The following SH2D3C variants were observed in gnomAD, a reference collection of about 807,000 sequenced individuals.
SH2D3C encodes SH2 domain-containing protein 3C.
A neutral mutation model predicts 75.2 loss-of-function variants in SH2D3C; 25 were observed. The ratio of observed to expected loss-of-function variants is 0.33; its 90% CI spans 0.24 to 0.46. SH2D3C has a LOEUF of 0.46. SH2D3C is among the 20% of genes least tolerant of loss of function. The probability of loss-of-function intolerance (pLI) is 1.00; values close to 1 mark genes in which losing one functional copy is unlikely to be tolerated. For synonymous variants in SH2D3C, 450 were observed against 473.7 expected, an observed-to-expected ratio of 0.95 and a Z score of 0.65; for missense variants, 933 against 1,165.3, an observed-to-expected ratio of 0.80 and a Z score of 2.90.
intron 3 of SH2D3C, among the ~76,000 whole-genome samples, chr9:127,755,474 G>A (rs1845354982): frequency 1.3e-5 from 2 of 152,220 alleles, no homozygotes; most frequent in African/African-American, 4.8e-5. Flanking sequence ...GCCAAGGAGG[G>A]TATTACCGGG....
At chr9:127,755,165 G>C (rs1845339811) in intron 3 of SH2D3C, 3 of 1,216,852 alleles carry the variant, frequency 2.5e-6, no homozygotes, top group African/African-American at 1.6e-5. Flanking sequence ...GTCATGGTGG[G>C]GCCAGGCTGC....
intron 2 of SH2D3C, among the ~76,000 whole-genome samples, chr9:127,772,785 C>G (rs763359625): frequency 9.2e-5 from 14 of 151,928 alleles, no homozygotes; most frequent in Non-Finnish European, 1.9e-4. Context: ...TTCTGTGTAA[C>G]CTTGGCTGAG....
In SH2D3C at chr9:127,739,925, G is replaced by C. The variant is rs1472497291; in HGVS notation, c.2201-37C>G. ...AAGGCAGCAGGCGCTTAAAGATCCT[G>C]TAGTGCCCCACCATCCACTGCAGTC... On this transcript the variant is annotated intron_variant, in intron 10 of 11. Transcript: ENST00000314830. The surrounding 1 kb of genome is among the most constrained non-coding windows in gnomAD (Gnocchi z 4.3). The C allele has an allele frequency of 6.8e-7, 1 of 1,479,118 alleles. No individual in the cohort carries two copies. Among genetic ancestry groups the C allele is most frequent in the South Asian group, 1.3e-5 (1 of 74,172 alleles). The allele number at this position is 1,479,118 out of a possible 1,614,324, so 91.6% of individuals were successfully genotyped here. A position where few individuals can be genotyped will look rare whatever the true frequency, so the allele number is the denominator to read the frequency against.
At chr9:127,753,097 G>A (rs1250876828) in intron 3 of SH2D3C, among the ~76,000 whole-genome samples, 5 of 152,136 alleles carry the variant, frequency 3.3e-5, no homozygotes, top group African/African-American at 1.2e-4. Flanking sequence ...GTGGGGGCAG[G>A]GGCAGGTGTG....
At chr9:127,752,835 T>A (rs1309128861) in intron 3 of SH2D3C, among the ~76,000 whole-genome samples, 3 of 152,234 alleles carry the variant, frequency 2.0e-5, no homozygotes, top group Admixed American at 2.0e-4. Flanking sequence ...GTTTCCTGAA[T>A]GTCCCGAGAT....
chr9:127,744,540 C>T (rs1449956078), intron 7 of SH2D3C, 24 bp downstream of exon 7: 1 of 1,584,998 alleles, frequency 6.3e-7, no homozygotes, highest in Admixed American at 1.7e-5. Flanking sequence ...GCTCCCTCCA[C>T]CCCAGTGCAC....
chr9:127,747,539 G>GT (rs113520829), intron 5 of SH2D3C, among the ~76,000 whole-genome samples: 1,928 of 147,294 alleles, frequency 0.013, 53 homozygotes, highest in African/African-American at 0.044. Flanking sequence ...TTTCTTTTTT[G>GT]TTTTTTTTTT....
chr9:127,771,434 G>T (rs1403404000), intron 2 of SH2D3C: 11 of 1,230,450 alleles, frequency 8.9e-6, no homozygotes, highest in East Asian at 6.3e-5. Flanking sequence ...GACGCTCTCC[G>T]CCTCGAACAC....
intron 4 of SH2D3C, among the ~76,000 whole-genome samples, chr9:127,750,782 T>C (rs1371577013): frequency 1.3e-5 from 2 of 152,162 alleles, no homozygotes; most frequent in Admixed American, 6.5e-5. Flanking sequence ...AAACTCAACT[T>C]TGCCAAAACT....
At chr9:127,767,625 T>C (rs917195059) in intron 2 of SH2D3C, among the ~76,000 whole-genome samples, 1 of 151,446 alleles carries the variant, frequency 6.6e-6, no homozygotes, top group Non-Finnish European at 1.5e-5. Context: ...GGCTGGGAGG[T>C]AGGAAGTGGT....
At chr9:127,763,864 C>T (rs772082102) in intron 2 of SH2D3C, among the ~76,000 whole-genome samples, 1 of 152,144 alleles carries the variant, frequency 6.6e-6, no homozygotes, top group Non-Finnish European at 1.5e-5. Context: ...CCTAGAAAGC[C>T]CTAGCTGGTA....
chr9:127,757,645 G>GATTATTATTATTATTATTATT (rs71380087), intron 3 of SH2D3C, among the ~76,000 whole-genome samples: 1 of 121,514 alleles, frequency 8.2e-6, no homozygotes, highest in African/African-American at 3.1e-5. Flanking sequence ...TGATGATGAT[G>GATTATTATTATTATTATTATT]ATTATTATTA....
rs1389576272 is a variant in SH2D3C at position 127,753,467 on chromosome 9, G to A, written c.556-2167C>T. ...GCTCTGGGGACAGATGGTGGGAGTGGGCGGTTTGCACAGGTGCTCAGGAGA... is the reference window on the plus strand; with the variant it reads ...GCTCTGGGGACAGATGGTGGGAGTGAGCGGTTTGCACAGGTGCTCAGGAGA... On this transcript the variant is annotated intron_variant, in intron 3 of 11. Transcript: ENST00000314830. Among the ~76,000 whole-genome samples, 4 of 152,174 alleles carry A rather than the reference G, an allele frequency of 2.6e-5. No individual in the cohort carries two copies. In the South Asian group the frequency reaches 8.3e-4, roughly 31 times the overall value.
intron 1 of SH2D3C, among the ~76,000 whole-genome samples, chr9:127,777,947 G>A (rs1296533693): frequency 8.0e-5 from 12 of 149,100 alleles, no homozygotes; most frequent in East Asian, 3.9e-4. Flanking sequence ...AACCCACCCC[G>A]GTCTCTAAAA....
intron 3 of SH2D3C, among the ~76,000 whole-genome samples, chr9:127,752,154 C>T (rs553632308): frequency 2.8e-4 from 42 of 152,230 alleles, no homozygotes; most frequent in Non-Finnish European, 4.6e-4. Context: ...GCTGATGGAT[C>T]CCAGGGGCCC....
At chr9:127,753,419 T>C (rs967814948) in intron 3 of SH2D3C, among the ~76,000 whole-genome samples, 15 of 151,982 alleles carry the variant, frequency 9.9e-5, no homozygotes, top group African/African-American at 3.4e-4. Context: ...CCATGAAAAT[T>C]TGGACCTTGA....
At chr9:127,755,313 G>A (rs189552562) in intron 3 of SH2D3C, 22,543 of 951,914 alleles carry the variant, frequency 0.024, 970 homozygotes, top group East Asian at 0.085. Context: ...GGGAGGCGGG[G>A]CGGGGAGACC....
Position 127,739,051 on chromosome 9 carries a change from A to G in SH2D3C, c.2408-130T>C, listed in dbSNP as rs1268906824. ...GGGATCCAACAAGGTTTGTGAATCA[A>G]CACGACCCTGTAGTTTAGCATCTTT... is the stretch of plus-strand genomic sequence containing the variant. On this transcript the variant is annotated intron_variant, in intron 11 of 11. Coordinates refer to ENST00000314830, the MANE Select transcript of SH2D3C (RefSeq NM_170600.3). This position sits in a 1 kb window ranked among gnomAD's most constrained non-coding sequence, Gnocchi z 4.3. The G allele has an allele frequency of 2.0e-5, 14 of 703,630 alleles. No individual in the cohort carries two copies. Among genetic ancestry groups the G allele is most frequent in the Non-Finnish European group, 2.6e-5 (12 of 457,838 alleles). 43.6% of individuals were successfully genotyped at this position (703,630 alleles called of 1,614,324 possible).
At chr9:127,762,284 T>A in intron 2 of SH2D3C, 1 of 1,264,368 alleles carries the variant, frequency 7.9e-7, no homozygotes. Context: ...TCCTTCCTCC[T>A]GAGGGCCACC....
Sources: allele counts gnomAD v4.1 joint callset (sites outside exome capture counted in the v4.1 genomes callset), GRCh38; gene constraint gnomAD v4.1.1; non-coding constraint Gnocchi (gnomAD v3.1); transcripts MANE v1.5; gene names NCBI Gene and HGNC (gene_info 2026-07-23, HGNC 2026-07-21).